NALF1: variants seen among roughly 807,000 people sequenced by gnomAD.
NALF1 encodes the protein family with sequence similarity 155 member A.
Under a neutral mutation model 48.4 loss-of-function variants are expected in NALF1, and 3 were observed. The ratio of observed to expected loss-of-function variants is 0.06; its 90% confidence interval spans 0.03 to 0.16. The LOEUF (loss-of-function observed/expected upper bound fraction) is 0.16. Among genes scored for constraint, NALF1 ranks in the 10% least tolerant of loss-of-function variants. NALF1 has a pLI of 1.00. For synonymous variants in NALF1, 262 were observed against 245.7 expected, an observed-to-expected ratio of 1.07 and a Z score of -0.62; for missense variants, 526 against 571.5, an observed-to-expected ratio of 0.92 and a Z score of 0.81.
intron 1 of NALF1, among the ~76,000 whole-genome samples, chr13:107,761,773 C>T (rs933156699): frequency 2.0e-5 from 3 of 152,202 alleles, no homozygotes; most frequent in Non-Finnish European, 2.9e-5. Context: ...ATTCAAAGCA[C>T]CTGATTCCAA....
At chr13:107,281,422 A>C (rs1881385451) in intron 1 of NALF1, among the ~76,000 whole-genome samples, 1 of 152,186 alleles carries the variant, frequency 6.6e-6, no homozygotes, top group Non-Finnish European at 1.5e-5. Context: ...ATGAGGGGAA[A>C]ATATTTCAAG....
chr13:107,473,236 C>T (rs903928415), intron 1 of NALF1, among the ~76,000 whole-genome samples: 2 of 151,756 alleles, frequency 1.3e-5, no homozygotes, highest in Non-Finnish European at 2.9e-5. Context: ...GATTCTTCAG[C>T]GCCAGGGTCC....
chr13:107,685,560 A>G (rs1001926786), intron 1 of NALF1, among the ~76,000 whole-genome samples: 2 of 148,316 alleles, frequency 1.3e-5, no homozygotes, highest in East Asian at 1.9e-4. Context: ...ATAGAAAAAC[A>G]TATGTTGGAA....
chr13:107,847,841 G>A (rs1009697987), intron 1 of NALF1, among the ~76,000 whole-genome samples: 2 of 152,176 alleles, frequency 1.3e-5, no homozygotes, highest in Middle Eastern at 3.2e-3. Context: ...TAATAAACAC[G>A]ACTTGTTTTA....
At chr13:107,520,292 T>C (rs1193161997) in intron 1 of NALF1, among the ~76,000 whole-genome samples, 1 of 152,210 alleles carries the variant, frequency 6.6e-6, no homozygotes, top group East Asian at 1.9e-4. Context: ...TAAGAGTTTG[T>C]ATTGTATTTC....
At chr13:107,710,854 GATATGTGTATATGTATAT>G (rs1424876644) in intron 1 of NALF1, among the ~76,000 whole-genome samples, 6 of 148,614 alleles carry the variant, frequency 4.0e-5, no homozygotes, top group African/African-American at 1.0e-4. Flanking sequence ...AATATACACA[GATATGTGTATATGTATAT>G]ATACACATAT....
chr13:107,266,640 A>T (rs1035294653), intron 1 of NALF1, among the ~76,000 whole-genome samples: 3 of 152,218 alleles, frequency 2.0e-5, no homozygotes, highest in African/African-American at 7.2e-5. Flanking sequence ...TATCTAAACT[A>T]TGAATACAGA....
chr13:107,513,918 G>C (rs1415734492), intron 1 of NALF1, among the ~76,000 whole-genome samples: 1 of 152,138 alleles, frequency 6.6e-6, no homozygotes, highest in East Asian at 1.9e-4. Flanking sequence ...TCCTTACCAG[G>C]GAGAACAAAG....
At chr13:107,808,541 G>GT (rs1878880324) in intron 1 of NALF1, among the ~76,000 whole-genome samples, 1 of 151,946 alleles carries the variant, frequency 6.6e-6, no homozygotes, top group Non-Finnish European at 1.5e-5. Flanking sequence ...ACTATGAACA[G>GT]AGGCTTTTAC....
At chr13:107,783,096 T>C (rs1436002187) in intron 1 of NALF1, among the ~76,000 whole-genome samples, 15 of 117,986 alleles carry the variant, frequency 1.3e-4, no homozygotes, top group African/African-American at 3.7e-4. Context: ...GCCAGCCGCC[T>C]CGTCCGGGAG....
chr13:107,572,742 C>T (rs1414197664), intron 1 of NALF1, among the ~76,000 whole-genome samples: 3 of 152,124 alleles, frequency 2.0e-5, no homozygotes, highest in African/African-American at 7.2e-5. Flanking sequence ...GTTCCGAGAA[C>T]ACGCTAATTT....
intron 1 of NALF1, among the ~76,000 whole-genome samples, chr13:107,770,675 G>A (rs1241943536): frequency 1.3e-5 from 2 of 152,148 alleles, no homozygotes; most frequent in African/African-American, 2.4e-5. Flanking sequence ...TTTACTAACA[G>A]CCTTTTGAGA....
chr13:107,467,478 TC>T (rs1279515658), intron 1 of NALF1, among the ~76,000 whole-genome samples: 13 of 152,190 alleles, frequency 8.5e-5, no homozygotes, highest in Non-Finnish European at 1.6e-4. Flanking sequence ...ATTTTCATGA[TC>T]TACCCACAAA....
At chr13:107,734,588 C>G (rs938427234) in intron 1 of NALF1, among the ~76,000 whole-genome samples, 3 of 151,992 alleles carry the variant, frequency 2.0e-5, no homozygotes, top group African/African-American at 7.3e-5. Flanking sequence ...ATAATGGAAA[C>G]AAGTTTTGTC....
intron 1 of NALF1, among the ~76,000 whole-genome samples, chr13:107,529,775 C>T (rs1876566265): frequency 6.6e-6 from 1 of 152,078 alleles, no homozygotes; most frequent in African/African-American, 2.4e-5. Flanking sequence ...GAGGAACGGG[C>T]ATCACCTGAA....
rs561071507 is a variant in NALF1 at position 107,605,450 on chromosome 13, C to T, written c.915+260232G>A. ...TGGCTTTGCAGATTCATAACAGAGA[C>T]GACGACAAATTCATTATTAGGCCTA... On this transcript the variant is annotated intron_variant, in intron 1 of 2. Coordinates refer to ENST00000375915, the MANE Select transcript of NALF1 (RefSeq NM_001080396.3). 3.2e-4 allele frequency among the ~76,000 whole-genome samples: 48 copies of T among 152,108 alleles called. 1 individual carries two copies. The Middle Eastern group carries it at 0.01, about 32-fold the overall frequency.
chr13:107,419,464 T>C (rs1384993866), intron 1 of NALF1, among the ~76,000 whole-genome samples: 1 of 152,122 alleles, frequency 6.6e-6, no homozygotes, highest in Non-Finnish European at 1.5e-5. Context: ...AGGATGAAGT[T>C]GAATAAAAAT....
At chr13:107,661,703 T>C (rs762361116) in intron 1 of NALF1, among the ~76,000 whole-genome samples, 1 of 152,148 alleles carries the variant, frequency 6.6e-6, no homozygotes, top group Admixed American at 6.6e-5. Context: ...CTGTCATCCA[T>C]CATCACTGGG....
intron 1 of NALF1, among the ~76,000 whole-genome samples, chr13:107,598,679 G>A (rs956858888): frequency 1.3e-5 from 2 of 152,074 alleles, no homozygotes; most frequent in Non-Finnish European, 2.9e-5. Flanking sequence ...CCATGCTTTG[G>A]AACTGGTTCT....
Sources: allele counts gnomAD v4.1 joint callset (sites outside exome capture counted in the v4.1 genomes callset), GRCh38; gene constraint gnomAD v4.1.1; transcripts MANE v1.5; gene names NCBI Gene and HGNC (gene_info 2026-07-23, HGNC 2026-07-21).